Variants in KLHL29 observed in about 807,000 individuals in gnomAD.
The protein encoded by KLHL29 is kelch-like protein 29.
KLHL29 carries 21 observed loss-of-function variants against 80.4 expected under a neutral mutation model. The observed-to-expected ratio is 0.26, with a 90% CI of 0.19 to 0.38. The LOEUF (loss-of-function observed/expected upper bound fraction) is 0.38, where lower values mean the gene tolerates loss of function less well. Ranked by LOEUF, KLHL29 falls within the 10% of genes least tolerant of loss-of-function variation. The pLI is 1.00. For missense variants in KLHL29, 867 were observed against 1,223.9 expected (o/e 0.71, Z 4.35); for synonymous variants, 511 against 526.8 (o/e 0.97, Z 0.41).
At chr2:23,589,054 C>A (rs1000008316) in intron 3 of KLHL29, among the ~76,000 whole-genome samples, 1 of 152,248 alleles carries the variant, frequency 6.6e-6, no homozygotes, top group Non-Finnish European at 1.5e-5. Flanking sequence ...CCCCAGGATG[C>A]GTCTTATTCA....
intron 5 of KLHL29, among the ~76,000 whole-genome samples, chr2:23,660,676 T>TTG (rs1558428464): frequency 2.0e-5 from 3 of 152,184 alleles, no homozygotes; most frequent in African/African-American, 7.2e-5. Flanking sequence ...CAGGTGGCAG[T>TTG]TGGGGCCCAC....
chr2:23,595,296 T>G (rs1388200216), intron 3 of KLHL29, among the ~76,000 whole-genome samples: 1 of 152,188 alleles, frequency 6.6e-6, no homozygotes, highest in African/African-American at 2.4e-5. Context: ...TCCTATCCCG[T>G]TTCTCCCACA....
rs1350363787 is a variant in KLHL29, at chr2:23,681,125, G to A, written c.941-3274G>A. 2.6e-5 allele frequency among the ~76,000 whole-genome samples: 4 copies of A among 152,242 alleles called. No individual in the cohort carries two copies. Among genetic ancestry groups the A allele is most frequent in the Non-Finnish European group, 5.9e-5 (4 of 68,038 alleles). ...CTCCCCACCGACAGGCACAGCCTGA[G>A]AGCCTAAGCTCCTGCTTCGCCGGCC... On this transcript the variant is annotated intron_variant, in intron 5 of 13. Coordinates refer to ENST00000486442, the MANE Select transcript of KLHL29 (RefSeq NM_052920.2). This position sits in a 1 kb window ranked among gnomAD's most constrained non-coding sequence, Gnocchi z 4.2.
intron 2 of KLHL29, among the ~76,000 whole-genome samples, chr2:23,540,894 T>G (rs546217593): frequency 6.6e-6 from 1 of 152,360 alleles, no homozygotes; most frequent in African/African-American, 2.4e-5. Flanking sequence ...CCTTTGTTTT[T>G]GGAGTTCATA....
chr2:23,448,932 CG>C (rs1179967703), intron 1 of KLHL29, among the ~76,000 whole-genome samples: 3 of 152,140 alleles, frequency 2.0e-5, no homozygotes, highest in African/African-American at 7.2e-5. Context: ...AGGAATAGGT[CG>C]TTGTCATTTT....
At chr2:23,536,235 A>G (rs1666656646) in intron 2 of KLHL29, among the ~76,000 whole-genome samples, 1 of 152,188 alleles carries the variant, frequency 6.6e-6, no homozygotes, top group South Asian at 2.1e-4. Flanking sequence ...TGTATCCTGA[A>G]GCTGATGATG....
chr2:23,558,929 G>A (rs942569551), intron 2 of KLHL29, among the ~76,000 whole-genome samples: 2 of 152,276 alleles, frequency 1.3e-5, no homozygotes, highest in Non-Finnish European at 2.9e-5. Context: ...GGGTCACACA[G>A]AGAATGAGGA....
At chr2:23,517,718 C>T (rs562115990) in intron 2 of KLHL29, among the ~76,000 whole-genome samples, 8 of 152,318 alleles carry the variant, frequency 5.3e-5, no homozygotes, top group East Asian at 1.9e-4. Flanking sequence ...AGTCCACTCC[C>T]GCTGAATGGA....
chr2:23,619,073 C>G (rs1669099754), intron 3 of KLHL29, among the ~76,000 whole-genome samples: 1 of 152,356 alleles, frequency 6.6e-6, no homozygotes, highest in Non-Finnish European at 1.5e-5. Flanking sequence ...CCCCTCGGCC[C>G]AGGGAAAGGC....
intron 2 of KLHL29, among the ~76,000 whole-genome samples, chr2:23,482,004 G>C (rs6728515): frequency 1.3e-5 from 2 of 151,994 alleles, no homozygotes; most frequent in African/African-American, 4.8e-5. Context: ...TCACCAAAGC[G>C]CCACCCAGTT....
chr2:23,544,581 T>C (rs1055370992), intron 2 of KLHL29, among the ~76,000 whole-genome samples: 7 of 152,102 alleles, frequency 4.6e-5, no homozygotes, highest in Admixed American at 1.3e-4. Context: ...GTAAGTAAAC[T>C]ATATAGGCCA....
At chr2:23,560,193 C>T (rs543884578) in intron 2 of KLHL29, among the ~76,000 whole-genome samples, 2 of 149,498 alleles carry the variant, frequency 1.3e-5, no homozygotes, top group Admixed American at 6.7e-5. Flanking sequence ...GAAGTTCAGC[C>T]GAAAAAGTTT....
chr2:23,428,637 G>A (rs1158650825), intron 1 of KLHL29, among the ~76,000 whole-genome samples: 1 of 152,136 alleles, frequency 6.6e-6, no homozygotes, highest in African/African-American at 2.4e-5. Context: ...TATGTTATAT[G>A]ATTGATACTC....
chr2:23,479,245 A>T (rs1664720818), intron 2 of KLHL29, among the ~76,000 whole-genome samples: 1 of 151,504 alleles, frequency 6.6e-6, no homozygotes, highest in Non-Finnish European at 1.5e-5. Flanking sequence ...GACCACACCC[A>T]CTAGCTGGGG....
intron 2 of KLHL29, among the ~76,000 whole-genome samples, chr2:23,492,805 G>A (rs912811945): frequency 5.1e-4 from 77 of 152,100 alleles, no homozygotes; most frequent in African/African-American, 1.6e-3. Context: ...GCTAGTCCTG[G>A]CTGGTCCCGA....
chr2:23,603,973 C>T lies in KLHL29; in HGVS notation c.286-35166C>T, dbSNP rs558184864. ...GAGGTTGACCATAGCACCATGAAGT[C>T]GGTTCTGTGAGCTCAGGCCTGGGTA... On this transcript the variant is annotated intron_variant, in intron 3 of 13. Transcript: ENST00000486442. Among the ~76,000 whole-genome samples, 8 of 152,280 alleles carry T rather than the reference C, an allele frequency of 5.3e-5. No homozygotes were observed. In the East Asian group the frequency reaches 1.4e-3, roughly 26 times the overall value.
intron 1 of KLHL29, among the ~76,000 whole-genome samples, chr2:23,420,079 CG>C (rs949042396): frequency 1.3e-5 from 2 of 152,176 alleles, no homozygotes; most frequent in African/African-American, 2.4e-5. Context: ...GTGGCCGGCA[CG>C]GGGGGTCCTA....
At chr2:23,498,135 C>G (rs189595751) in intron 2 of KLHL29, among the ~76,000 whole-genome samples, 102 of 152,270 alleles carry the variant, frequency 6.7e-4, no homozygotes, top group African/African-American at 2.5e-3. Context: ...TTCCAGCATA[C>G]AATATAATAT....
intron 1 of KLHL29, among the ~76,000 whole-genome samples, chr2:23,408,010 A>G (rs974443024): frequency 3.5e-4 from 53 of 152,094 alleles, no homozygotes; most frequent in African/African-American, 1.2e-3. Flanking sequence ...TCCCGGTTCA[A>G]GTGATTCTCC....
Sources: allele counts gnomAD v4.1 joint callset (sites outside exome capture counted in the v4.1 genomes callset), GRCh38; gene constraint gnomAD v4.1.1; non-coding constraint Gnocchi (gnomAD v3.1); transcripts MANE v1.5; gene names NCBI Gene and HGNC (gene_info 2026-07-23, HGNC 2026-07-21).